ADGRL3: variants seen among roughly 807,000 people sequenced by gnomAD.
ADGRL3 encodes the protein adhesion G protein-coupled receptor L3, also known as calcium-independent alpha-latrotoxin receptor 3.
In ADGRL3, 62 loss-of-function variants were observed where a neutral mutation model predicts 153.5. The ratio of observed to expected loss-of-function variants is 0.40; its 90% CI spans 0.33 to 0.50. The LOEUF is 0.50. Ranked by LOEUF, ADGRL3 falls within the 20% of genes least tolerant of loss-of-function variation. The pLI is 0.47. For missense variants in ADGRL3, 1,641 were observed against 1,859.4 expected (o/e 0.88, Z 2.16); for synonymous variants, 710 against 672.5 (o/e 1.06, Z -0.86).
chr4:61,938,986 C>T (rs1376040768), intron 15 of ADGRL3, among the ~76,000 whole-genome samples: 2 of 150,776 alleles, frequency 1.3e-5, no homozygotes, highest in Non-Finnish European at 2.9e-5. Flanking sequence ...ATCTTAGTAA[C>T]CATAGTAGTT....
intron 8 of ADGRL3, among the ~76,000 whole-genome samples, chr4:61,741,408 C>G (rs1281065175): frequency 6.6e-6 from 1 of 152,180 alleles, no homozygotes; most frequent in African/African-American, 2.4e-5. Flanking sequence ...TAATTTCAGC[C>G]CTATCTGTAT....
At chr4:61,834,064 A>G (rs1368134601) in intron 9 of ADGRL3, among the ~76,000 whole-genome samples, 2 of 148,572 alleles carry the variant, frequency 1.3e-5, no homozygotes, top group Non-Finnish European at 3.0e-5. Flanking sequence ...TGCTGCACCC[A>G]TTAACTCATC....
Position 62,075,776 on chromosome 4 carries a change from T to A in ADGRL3, c.*4868T>A, listed in dbSNP as rs1746950482. 1 of 152,198 alleles carries A rather than the reference T, an allele frequency of 6.6e-6. No homozygotes were observed. Among genetic ancestry groups the A allele is most frequent in the Non-Finnish European group, 1.5e-5 (1 of 68,032 alleles). The allele number at this position is 152,198 out of a possible 1,614,324, so 9.4% of individuals were successfully genotyped here. A position where few individuals can be genotyped will look rare whatever the true frequency, so the allele number is the denominator to read the frequency against. On this transcript the variant is annotated 3_prime_UTR_variant, in exon 27 of 27. Transcript: ENST00000683033. Reference sequence around the variant, plus strand: ...ATGGATTTTACATAAGAAGCTTTTCTGAGCTCATAAAATATATTCAATGGA... The same window carrying A: ...ATGGATTTTACATAAGAAGCTTTTCAGAGCTCATAAAATATATTCAATGGA...
At chr4:61,640,321 C>T (rs2093608224) in intron 5 of ADGRL3, among the ~76,000 whole-genome samples, 1 of 152,104 alleles carries the variant, frequency 6.6e-6, no homozygotes, top group African/African-American at 2.4e-5. Context: ...AGATCGTTCT[C>T]CCTCAGACAA....
intron 8 of ADGRL3, among the ~76,000 whole-genome samples, chr4:61,757,978 C>T (rs1210561621): frequency 6.6e-6 from 1 of 152,166 alleles, no homozygotes; most frequent in East Asian, 1.9e-4. Context: ...GCACTGTGGT[C>T]TGAGAGACAG....
At chr4:61,855,789 T>C (rs2098256922) in intron 9 of ADGRL3, among the ~76,000 whole-genome samples, 1 of 152,114 alleles carries the variant, frequency 6.6e-6, no homozygotes, top group Non-Finnish European at 1.5e-5. Context: ...TCAGCCACTA[T>C]TTATTGAATG....
At chr4:61,792,024 C>T (rs371991524) in intron 8 of ADGRL3, among the ~76,000 whole-genome samples, 2 of 152,180 alleles carry the variant, frequency 1.3e-5, no homozygotes, top group Admixed American at 1.3e-4. Context: ...GAGACCTTTT[C>T]CCCTTTGTCT....
At chr4:61,756,366 A>G (rs948588155) in intron 8 of ADGRL3, among the ~76,000 whole-genome samples, 1 of 152,078 alleles carries the variant, frequency 6.6e-6, no homozygotes, top group Non-Finnish European at 1.5e-5. Context: ...TAGGTATTTT[A>G]TTCTCTTTGA....
intron 8 of ADGRL3, among the ~76,000 whole-genome samples, chr4:61,786,455 A>G (rs1441481453): frequency 2.6e-5 from 4 of 152,224 alleles, no homozygotes; most frequent in Admixed American, 1.3e-4. Context: ...AGATGGAGAA[A>G]GAATAGGAAG....
intron 8 of ADGRL3, among the ~76,000 whole-genome samples, chr4:61,771,312 C>T (rs574884575): frequency 6.6e-6 from 1 of 152,292 alleles, no homozygotes; most frequent in East Asian, 1.9e-4. Context: ...GGGACCCTTC[C>T]CTTACTGTCT....
At chr4:61,779,092 A>T (rs1031874987) in intron 8 of ADGRL3, among the ~76,000 whole-genome samples, 1 of 152,064 alleles carries the variant, frequency 6.6e-6, no homozygotes, top group African/African-American at 2.4e-5. Context: ...AGGAAATATT[A>T]GAATGTTTTA....
intron 2 of ADGRL3, among the ~76,000 whole-genome samples, chr4:61,481,410 G>A (rs1487825317): frequency 1.3e-5 from 2 of 151,986 alleles, no homozygotes; most frequent in Non-Finnish European, 2.9e-5. Flanking sequence ...ACTCTAAAAG[G>A]CCGAAAAGAG....
intron 1 of ADGRL3, among the ~76,000 whole-genome samples, chr4:61,344,945 C>A (rs1461640288): frequency 6.6e-6 from 1 of 151,204 alleles, no homozygotes; most frequent in Non-Finnish European, 1.5e-5. Context: ...TGCCACCATG[C>A]CTGGCTAATT....
At position 61,996,078 on chromosome 4, in the gene ADGRL3, C is replaced by G. The variant is rs528070161; in HGVS notation, c.3237-213C>G. ...CAAATAGGCCCAGTGCCATATTTTC[C>G]TGCTTCCTCCAGGGCTAATTATCTT... On this transcript the variant is annotated intron_variant, in intron 19 of 26. Transcript: ENST00000683033. 3.9e-5 allele frequency among the ~76,000 whole-genome samples: 6 copies of G among 152,064 alleles called. No homozygotes were observed. The South Asian group carries it at 6.2e-4, about 16-fold the overall frequency.
At chr4:61,391,925 G>A (rs909058357) in intron 2 of ADGRL3, among the ~76,000 whole-genome samples, 3 of 145,912 alleles carry the variant, frequency 2.1e-5, no homozygotes, top group African/African-American at 7.6e-5. Context: ...AGTGGCGCGA[G>A]CTCGCCTCAC....
chr4:61,575,619 C>T (rs1024976833), intron 4 of ADGRL3, among the ~76,000 whole-genome samples: 1 of 152,038 alleles, frequency 6.6e-6, no homozygotes, highest in Non-Finnish European at 1.5e-5. Flanking sequence ...ACTGAATACT[C>T]ACCCATCTCA....
Position 61,200,639 on chromosome 4 carries a change from C to T in ADGRL3, c.-1366C>T, listed in dbSNP as rs1332140787. Among the ~76,000 whole-genome samples the T allele has an allele frequency of 6.6e-6, 1 of 152,000 alleles. No individual in the cohort carries two copies. The highest frequency in any genetic ancestry group is 2.4e-5 in the African/African-American group (1 of 41,420). On this transcript the variant is annotated 5_prime_UTR_variant, in exon 1 of 27. Transcript: ENST00000683033. ...TTCTTTCTTCTCTTTTTGCCTTGGT[C>T]CTCTTCCTACGGGTGTGCGCGCGCG...
rs188335239 is a variant in ADGRL3, at chr4:61,647,606, A to G, written c.474-29220A>G. 1.9e-3 allele frequency among the ~76,000 whole-genome samples: 291 copies of G among 152,256 alleles called. 3 individuals carry two copies. The highest frequency in any genetic ancestry group is 0.016 in the Admixed American group (240 of 15,290). On this transcript the variant is annotated intron_variant, in intron 5 of 26. Coordinates refer to ENST00000683033, the MANE Select transcript of ADGRL3 (RefSeq NM_001387552.1). Reference sequence around the variant, plus strand: ...TTAGAGGATTATGAGAACATCATTTAAAAAATAAAATTCTGCATAAGAGCT... The same window carrying G: ...TTAGAGGATTATGAGAACATCATTTGAAAAATAAAATTCTGCATAAGAGCT...
chr4:61,524,027 T>C (rs796777255), intron 4 of ADGRL3, among the ~76,000 whole-genome samples: 6 of 152,234 alleles, frequency 3.9e-5, no homozygotes, highest in African/African-American at 1.2e-4. Flanking sequence ...GCATCTGCCA[T>C]GTTCAAAGTA....
Sources: allele counts gnomAD v4.1 joint callset (sites outside exome capture counted in the v4.1 genomes callset), GRCh38; gene constraint gnomAD v4.1.1; transcripts MANE v1.5; gene names NCBI Gene and HGNC (gene_info 2026-07-23, HGNC 2026-07-21).